TRDMT1: variants seen among roughly 807,000 people sequenced by gnomAD.
TRDMT1 encodes tRNA aspartic acid methyltransferase 1, also known as tRNA (cytosine(38)-C(5))-methyltransferase.
TRDMT1 carries 49 observed loss-of-function variants against 51.2 expected under a neutral mutation model. The observed-to-expected ratio is 0.96, with a 90% CI of 0.76 to 1.21. The LOEUF (loss-of-function observed/expected upper bound fraction) is 1.21, where lower values mean the gene tolerates loss of function less well. Ranked by LOEUF, TRDMT1 falls within the 50% of genes most tolerant of loss-of-function variation. The pLI is 0.00. For missense variants in TRDMT1, 534 were observed against 462.3 expected (o/e 1.16, Z -1.42); for synonymous variants, 187 against 164.6 (o/e 1.14, Z -1.04).
chr10:17,194,204 C>G (rs1443243237), intron 1 of TRDMT1, among the ~76,000 whole-genome samples: 1 of 152,122 alleles, frequency 6.6e-6, no homozygotes, highest in Non-Finnish European at 1.5e-5. Flanking sequence ...AATAAGAATT[C>G]TAGAAGAAAA....
chr10:17,152,503 A>G (rs1838881645), intron 10 of TRDMT1, among the ~76,000 whole-genome samples: 1 of 152,226 alleles, frequency 6.6e-6, no homozygotes. Flanking sequence ...TAATATTACA[A>G]AAGTATTGGA....
chr10:17,186,749 T>C (rs780301826), intron 1 of TRDMT1, among the ~76,000 whole-genome samples: 20 of 152,194 alleles, frequency 1.3e-4, no homozygotes, highest in Non-Finnish European at 1.3e-4. Context: ...GCTATTTTAT[T>C]TATAATAGTG....
chr10:17,185,825 A>G (rs931321583), intron 1 of TRDMT1, among the ~76,000 whole-genome samples: 26 of 152,066 alleles, frequency 1.7e-4, no homozygotes, highest in African/African-American at 6.3e-4. Context: ...CAAACACCAC[A>G]CATTCTCACT....
intron 10 of TRDMT1, chr10:17,151,742 A>G (rs1224605377): frequency 1.2e-6 from 1 of 820,194 alleles, no homozygotes; most frequent in Non-Finnish European, 1.5e-6. Context: ...ATAAAAGTAA[A>G]TACATGGCTC....
Position 17,160,231 on chromosome 10 carries a change from C to T in TRDMT1, c.459+74G>A, listed in dbSNP as rs540092072. 47 of 994,690 alleles carry T rather than the reference C, an allele frequency of 4.7e-5. No individual in the cohort carries two copies. In the African/African-American group the frequency reaches 5.5e-4, roughly 12 times the overall value. 61.6% of individuals were successfully genotyped at this position (994,690 alleles called of 1,614,324 possible). On this transcript the variant is annotated intron_variant, in intron 6 of 10. Transcript: ENST00000377799. The stretch of plus-strand genomic sequence containing the variant: ...TCCAAAATAAAGCCATTCTGCTTAT[C>T]GAATCAAATTTCCTTTGGGAAAAAA...
intron 1 of TRDMT1, among the ~76,000 whole-genome samples, chr10:17,197,007 C>T (rs915631669): frequency 2.0e-5 from 3 of 152,136 alleles, no homozygotes; most frequent in Admixed American, 6.6e-5. Flanking sequence ...GCTGTGATGT[C>T]GGGATAAAGC....
At chr10:17,163,591 T>C (rs1317081812) in intron 3 of TRDMT1, among the ~76,000 whole-genome samples, 1 of 152,076 alleles carries the variant, frequency 6.6e-6, no homozygotes, top group Non-Finnish European at 1.5e-5. Flanking sequence ...GAGCTGGTTT[T>C]TTGAAAAGAT....
At chr10:17,184,894 T>G (rs1485716660) in intron 1 of TRDMT1, among the ~76,000 whole-genome samples, 1 of 152,214 alleles carries the variant, frequency 6.6e-6, no homozygotes, top group Non-Finnish European at 1.5e-5. Context: ...TGTGTGTTCA[T>G]ACGTCCTGAT....
At position 17,158,772 on chromosome 10, in the gene TRDMT1, A is replaced by T. The variant is rs1839903682; in HGVS notation, c.543+374T>A. ...AAAATATTTGTAAGCCACTTTTAAG[A>T]TAAAATATTATCAAAAGTAACCAAT... is the stretch of plus-strand genomic sequence containing the variant. On this transcript the variant is annotated intron_variant, in intron 7 of 10. Coordinates refer to ENST00000377799, the MANE Select transcript of TRDMT1 (RefSeq NM_004412.7). Among the ~76,000 whole-genome samples the T allele has an allele frequency of 2.0e-5, 3 of 152,210 alleles. No homozygotes were observed. In the South Asian group the frequency reaches 6.2e-4, roughly 31 times the overall value.
chr10:17,147,386 A>G lies in TRDMT1; in HGVS notation c.*1654T>C, dbSNP rs1241508041. 2.1e-6 allele frequency: 2 copies of G among 963,356 alleles called. No individual in the cohort carries two copies. Among genetic ancestry groups the G allele is most frequent in the African/African-American group, 1.8e-5 (1 of 56,774 alleles). 59.7% of individuals were successfully genotyped at this position (963,356 alleles called of 1,614,324 possible). ...TTGGTAATAGAGTATGATTTTTTCA[A>G]TTGCAGTAAAATATACATAATGTAA... On this transcript the variant is annotated 3_prime_UTR_variant, in exon 11 of 11. Transcript: ENST00000377799.
rs1302152790 is a variant in TRDMT1, at chr10:17,148,520, T to G, written c.*520A>C. 4.1e-6 allele frequency: 4 copies of G among 985,328 alleles called. No individual in the cohort carries two copies. Among genetic ancestry groups the G allele is most frequent in the Non-Finnish European group, 4.8e-6 (4 of 829,846 alleles). 61.0% of individuals were successfully genotyped at this position (985,328 alleles called of 1,614,324 possible). A position where few individuals can be genotyped will look rare whatever the true frequency, so the allele number is the denominator to read the frequency against. ...TCCTGACATATTCTTCAGTCTGCTGTATAAACTGAATGATGATAATTTGGT... is the reference window on the plus strand; with the variant it reads ...TCCTGACATATTCTTCAGTCTGCTGGATAAACTGAATGATGATAATTTGGT... On this transcript the variant is annotated 3_prime_UTR_variant, in exon 11 of 11. Coordinates refer to ENST00000377799, the MANE Select transcript of TRDMT1 (RefSeq NM_004412.7).
intron 1 of TRDMT1, chr10:17,200,573 G>C (rs921614700): frequency 6.0e-6 from 1 of 167,142 alleles, no homozygotes; most frequent in African/African-American, 2.4e-5. Context: ...GTTTCAGTTC[G>C]GTGGTTGTCT....
intron 1 of TRDMT1, among the ~76,000 whole-genome samples, chr10:17,199,621 A>G (rs1845893950): frequency 6.6e-6 from 1 of 152,230 alleles, no homozygotes; most frequent in African/African-American, 2.4e-5. Context: ...GACAGAAGCC[A>G]GAACTCACAA....
At chr10:17,168,627 A>G (rs1209452869) in intron 3 of TRDMT1, among the ~76,000 whole-genome samples, 1 of 152,110 alleles carries the variant, frequency 6.6e-6, no homozygotes, top group African/African-American at 2.4e-5. Context: ...ATGGTTCTAT[A>G]AAGGGCAGTT....
chr10:17,191,721 G>A (rs1216494932), intron 1 of TRDMT1, among the ~76,000 whole-genome samples: 4 of 152,128 alleles, frequency 2.6e-5, no homozygotes, highest in Non-Finnish European at 4.4e-5. Context: ...TTTGAGCAAG[G>A]AGCACCATTG....
intron 1 of TRDMT1, among the ~76,000 whole-genome samples, chr10:17,194,557 C>A (rs1267129345): frequency 1.3e-5 from 2 of 152,056 alleles, no homozygotes; most frequent in Non-Finnish European, 2.9e-5. Context: ...AAAAAATAGT[C>A]ATCATCACTA....
Position 17,145,733 on chromosome 10 carries a change from A to C in TRDMT1, c.*3307T>G. On this transcript the variant is annotated 3_prime_UTR_variant, in exon 11 of 11. Transcript: ENST00000377799. ...GCTTTTTTAGAAACCGCTTGTTTCT[A>C]AACTCTTAAGTTATCAAAGCAAAAG... 1.0e-6 allele frequency: 1 copy of C among 985,458 alleles called. No homozygotes were observed. Among genetic ancestry groups the C allele is most frequent in the South Asian group, 4.7e-5 (1 of 21,282 alleles). The allele number at this position is 985,458 out of a possible 1,614,324, so 61.0% of individuals were successfully genotyped here.
intron 1 of TRDMT1, among the ~76,000 whole-genome samples, chr10:17,187,438 C>T (rs1844089567): frequency 6.6e-6 from 1 of 152,104 alleles, no homozygotes; most frequent in African/African-American, 2.4e-5. Flanking sequence ...AATAATTTGA[C>T]AATCATCAAC....
At chr10:17,172,301 T>A (rs1175507243) in intron 2 of TRDMT1, among the ~76,000 whole-genome samples, 1 of 152,122 alleles carries the variant, frequency 6.6e-6, no homozygotes, top group African/African-American at 2.4e-5. Flanking sequence ...CAGATAACAC[T>A]GGAAAGTATT....
Sources: allele counts gnomAD v4.1 joint callset (sites outside exome capture counted in the v4.1 genomes callset), GRCh38; gene constraint gnomAD v4.1.1; transcripts MANE v1.5; gene names NCBI Gene and HGNC (gene_info 2026-07-23, HGNC 2026-07-21).